Variants in SNAPC1 observed in about 807,000 individuals in gnomAD.
The protein encoded by SNAPC1 is snRNA-activating protein complex subunit 1.
A neutral mutation model predicts 50.1 loss-of-function variants in SNAPC1; 42 were observed. The ratio of observed to expected loss-of-function variants is 0.84; its 90% CI spans 0.65 to 1.08. The LOEUF (loss-of-function observed/expected upper bound fraction) is 1.08. Among genes scored for constraint, SNAPC1 ranks in the 50% least tolerant of loss-of-function variants. The pLI is 0.00. For synonymous variants in SNAPC1, 164 were observed against 144.2 expected (o/e 1.14, Z -0.98); for missense variants, 477 against 427.3 (o/e 1.12, Z -1.02).
intron 8 of SNAPC1, among the ~76,000 whole-genome samples, chr14:61,791,057 G>T (rs1468251308): frequency 6.6e-6 from 1 of 151,944 alleles, no homozygotes; most frequent in Non-Finnish European, 1.5e-5. Flanking sequence ...GTCGCCCAGA[G>T]CTGGAGTGCA....
At chr14:61,765,920 T>C (rs2044944974) in intron 1 of SNAPC1, among the ~76,000 whole-genome samples, 1 of 152,214 alleles carries the variant, frequency 6.6e-6, no homozygotes, top group African/African-American at 2.4e-5. Flanking sequence ...TGTTTCTCTA[T>C]CTTTTTCGCC....
chr14:61,782,223 G>T (rs770294272), intron 7 of SNAPC1, 24 bp from the exon 8 acceptor site: 6 of 1,506,078 alleles, frequency 4.0e-6, no homozygotes, highest in Non-Finnish European at 5.4e-6. Context: ...TAATTTATTG[G>T]TTAATTGGAT....
At chr14:61,789,032 ACCAG>A (rs1482289348) in intron 8 of SNAPC1, among the ~76,000 whole-genome samples, 1 of 152,188 alleles carries the variant, frequency 6.6e-6, no homozygotes, top group East Asian at 1.9e-4. Flanking sequence ...GGAGTTCAAA[ACCAG>A]CCTGGCCAAT....
At chr14:61,764,210 G>A (rs1237522503) in intron 1 of SNAPC1, among the ~76,000 whole-genome samples, 1 of 152,114 alleles carries the variant, frequency 6.6e-6, no homozygotes, top group African/African-American at 2.4e-5. Context: ...ACCTCTGTGA[G>A]GACAGTGACT....
chr14:61,769,316 G>T (rs1304367961), intron 4 of SNAPC1, among the ~76,000 whole-genome samples: 1 of 150,948 alleles, frequency 6.6e-6, no homozygotes, highest in African/African-American at 2.4e-5. Context: ...AGATCGCACC[G>T]CTGCACTCCA....
intron 1 of SNAPC1, among the ~76,000 whole-genome samples, chr14:61,765,801 G>A (rs1191951758): frequency 6.6e-6 from 1 of 152,094 alleles, no homozygotes; most frequent in Non-Finnish European, 1.5e-5. Flanking sequence ...TTGGATGTTT[G>A]GACAAAGCTT....
At chr14:61,780,519 C>T (rs2045064032) in intron 7 of SNAPC1, among the ~76,000 whole-genome samples, 1 of 152,140 alleles carries the variant, frequency 6.6e-6, no homozygotes, top group African/African-American at 2.4e-5. Context: ...CAGCCCTTTG[C>T]CCGTTTTTTA....
At position 61,793,910 on chromosome 14, in the gene SNAPC1, C is replaced by T. The variant is rs1330151154; in HGVS notation, c.1072+1008C>T. Among the ~76,000 whole-genome samples the T allele has an allele frequency of 3.9e-5, 6 of 152,180 alleles. No individual in the cohort carries two copies. In the East Asian group the frequency reaches 1.2e-3, roughly 29 times the overall value. ...ACCTTAAGTGATCCGCTTGCCTTGGCTTCCCAAAGTGCTGGGATTACAGGT... is the reference window on the plus strand; with the variant it reads ...ACCTTAAGTGATCCGCTTGCCTTGGTTTCCCAAAGTGCTGGGATTACAGGT... On this transcript the variant is annotated intron_variant, in intron 9 of 9. Transcript: ENST00000216294.
At position 61,776,232 on chromosome 14, in the gene SNAPC1, G is replaced by A; in HGVS notation, c.672G>A (p.Gln224=). Residue 224 remains glutamine, a synonymous_variant, in exon 5 of 10, where the codon CAG becomes CAA. Coordinates refer to ENST00000216294, the MANE Select transcript of SNAPC1 (RefSeq NM_003082.4). The part of the protein sequence containing the change: ...DNIKNIVLEH[Q]QWHKDRKNPS... ...TTAAGAACATAGTTTTGGAGCATCA[G>A]CAGTGGCACAAAGACAGAAAGGTAT... The A allele has an allele frequency of 6.2e-7, 1 of 1,612,374 alleles. No individual in the cohort carries two copies. The highest frequency in any genetic ancestry group is 8.5e-7 in the Non-Finnish European group (1 of 1,179,392).
intron 3 of SNAPC1, 95 bp from the exon 4 acceptor site, chr14:61,768,536 GTTTAC>G: frequency 3.2e-6 from 2 of 631,908 alleles, no homozygotes. Context: ...TTTTATCTGT[GTTTAC>G]TTATAGACAA....
Position 61,767,138 on chromosome 14 carries a change from G to A in SNAPC1, c.289-74G>A, listed in dbSNP as rs535458066. 26 of 1,154,282 alleles carry A rather than the reference G, an allele frequency of 2.3e-5. No homozygotes were observed. The African/African-American group carries it at 3.4e-4, about 15-fold the overall frequency. 71.5% of individuals were successfully genotyped at this position (1,154,282 alleles called of 1,614,324 possible). On this transcript the variant is annotated intron_variant, in intron 2 of 9. Transcript: ENST00000216294. Reference sequence around the variant, plus strand: ...TAAATATGATTTAAATAAAATGCCAGTATTTTAAAATTATAATATGTTTGT... The same window carrying A: ...TAAATATGATTTAAATAAAATGCCAATATTTTAAAATTATAATATGTTTGT...
intron 8 of SNAPC1, among the ~76,000 whole-genome samples, chr14:61,791,975 C>T (rs762839036): frequency 6.6e-6 from 1 of 151,878 alleles, no homozygotes; most frequent in African/African-American, 2.4e-5. Context: ...GAACATCTTT[C>T]TGTTCTCAGT....
chr14:61,776,073 G>A lies in SNAPC1; in HGVS notation c.535-22G>A, dbSNP rs774445761. ...TCTCCTCAAAAAGTGAAGAAATAAA[G>A]GACTCATCTTTTTGCTTTTAGGAAA... On this transcript the variant is annotated intron_variant, in intron 4 of 9. Coordinates refer to ENST00000216294, the MANE Select transcript of SNAPC1 (RefSeq NM_003082.4). The A allele has an allele frequency of 1.3e-5, 21 of 1,558,906 alleles. No individual in the cohort carries two copies. The South Asian group carries it at 2.4e-4, about 18-fold the overall frequency.
At position 61,778,080 on chromosome 14, in the gene SNAPC1, C is replaced by T; in HGVS notation, c.702C>T (p.Ser234=). 6.3e-7 allele frequency: 1 copy of T among 1,588,748 alleles called. No homozygotes were observed. The highest frequency in any genetic ancestry group is 1.3e-5 in the African/African-American group (1 of 74,088). Residue 234 remains serine, a synonymous_variant, in exon 6 of 10, where the codon TCC becomes TCT. Transcript: ENST00000216294. The part of the protein sequence containing the change: ...QQWHKDRKNP[S]LKSKTNDGEE... ...CTTTTTTGCTCTTTTAGAATCCATC[C>T]TTAAAGTCAAAAACTAATGATGGAG... is the stretch of plus-strand genomic sequence containing the variant.
chr14:61,785,942 T>A (rs2045112913), intron 8 of SNAPC1, among the ~76,000 whole-genome samples: 1 of 151,544 alleles, frequency 6.6e-6, no homozygotes, highest in Non-Finnish European at 1.5e-5. Context: ...TTTAGCTTAG[T>A]GATTTTGGGG....
rs766718835 is a variant in SNAPC1 at position 61,769,393 on chromosome 14, G to GTT, written c.534+672_534+673dup. Among the ~76,000 whole-genome samples the GTT allele has an allele frequency of 1.9e-3, 223 of 116,356 alleles. 6 individuals are homozygous for GTT. Among genetic ancestry groups the GTT allele is most frequent in the African/African-American group, 5.5e-3 (173 of 31,282 alleles). 76.3% of individuals were successfully genotyped at this position (116,356 alleles called of 152,430 possible). A position where few individuals can be genotyped will look rare whatever the true frequency, so the allele number is the denominator to read the frequency against. The stretch of plus-strand genomic sequence containing the variant: ...AACCAATGTGCATTTATTTCCTGAG[G>GTT]TTTTTTTTTTTTTTTTTTTTCTCAC... On this transcript the variant is annotated intron_variant, in intron 4 of 9. Transcript: ENST00000216294.
Position 61,762,424 on chromosome 14 carries a change from G to GCGTGCGGGCTTCGGAGC in SNAPC1, c.-21_-20insCCGTGCGGGCTTCGGAG, listed in dbSNP as rs750989540. 5.0e-6 allele frequency: 8 copies of GCGTGCGGGCTTCGGAGC among 1,603,950 alleles called. No homozygotes were observed. The African/African-American group carries it at 9.4e-5, about 19-fold the overall frequency. On this transcript the variant is annotated 5_prime_UTR_variant, in exon 1 of 10. Transcript: ENST00000216294. ...ACCACCGCTGGCTAGTCCGTTAGAG[G>GCGTGCGGGCTTCGGAGC]CGTGCGGGCTTCGGAGGCGTGCGGG...
intron 3 of SNAPC1, 46 bp downstream of exon 3, chr14:61,767,398 A>G (rs765195658): frequency 3.2e-6 from 4 of 1,255,290 alleles, no homozygotes; most frequent in Admixed American, 5.6e-5. Context: ...GAGCAATTAT[A>G]CTTTATTGTC....
chr14:61,764,655 A>G (rs2044933810), intron 1 of SNAPC1, among the ~76,000 whole-genome samples: 2 of 152,322 alleles, frequency 1.3e-5, no homozygotes, highest in Middle Eastern at 3.4e-3. Context: ...ATCCGTTAAT[A>G]TTCCACTGTA....
Sources: allele counts gnomAD v4.1 joint callset (sites outside exome capture counted in the v4.1 genomes callset), GRCh38; gene constraint gnomAD v4.1.1; transcripts MANE v1.5; gene names NCBI Gene and HGNC (gene_info 2026-07-23, HGNC 2026-07-21).